The following HEMK2 variants were observed in gnomAD, a reference collection of about 807,000 sequenced individuals.
HEMK2 encodes methyltransferase HEMK2.
At chr21:28,831,470 A>AAGAAT in the HEMK2 span, among the ~76,000 whole-genome samples, 12 of 37,522 alleles carry the variant, frequency 3.2e-4, no homozygotes, top group Admixed American at 6.9e-4. Flanking sequence ...AACGAAAGAA[A>AAGAAT]GAAAGAAAGA....
the HEMK2 span, among the ~76,000 whole-genome samples, chr21:28,837,148 G>C: frequency 6.6e-6 from 1 of 152,156 alleles, no homozygotes; most frequent in Non-Finnish European, 1.5e-5. Flanking sequence ...AAGACAGAAA[G>C]TCAACAAAGA....
chr21:28,660,834 A>G, the HEMK2 span, among the ~76,000 whole-genome samples: 1 of 152,062 alleles, frequency 6.6e-6, no homozygotes, highest in Admixed American at 6.6e-5. Flanking sequence ...CTTTTTAAAA[A>G]ATGGGACAGA....
chr21:28,711,774 C>T, the HEMK2 span, among the ~76,000 whole-genome samples: 5 of 152,082 alleles, frequency 3.3e-5, no homozygotes, highest in African/African-American at 1.2e-4. Context: ...GATATCCTAG[C>T]GAGGGTAGCT....
chr21:28,685,175 A>G, the HEMK2 span, among the ~76,000 whole-genome samples: 9 of 152,316 alleles, frequency 5.9e-5, no homozygotes, highest in African/African-American at 2.2e-4. Context: ...AGTGATCATA[A>G]AAGTCAGCTC....
chr21:28,844,607 A>G, the HEMK2 span, among the ~76,000 whole-genome samples: 15 of 152,064 alleles, frequency 9.9e-5, no homozygotes, highest in Admixed American at 9.8e-4. Context: ...AAGCACACAT[A>G]TATTTTTAAA....
chr21:28,850,301 T>C, the HEMK2 span, among the ~76,000 whole-genome samples: 3 of 141,586 alleles, frequency 2.1e-5, no homozygotes. Context: ...CTCGGCTCAC[T>C]GCAAGCTCCA....
chr21:28,758,981 C>A, the HEMK2 span, among the ~76,000 whole-genome samples: 21 of 152,254 alleles, frequency 1.4e-4, no homozygotes, highest in South Asian at 4.1e-3. Flanking sequence ...TCTGGCATAG[C>A]TGGTTTTCAA....
the HEMK2 span, among the ~76,000 whole-genome samples, chr21:28,653,657 A>G: frequency 6.6e-6 from 1 of 152,160 alleles, no homozygotes; most frequent in Non-Finnish European, 1.5e-5. Context: ...GTTTGTTTAC[A>G]GTCTCAGCTG....
the HEMK2 span, among the ~76,000 whole-genome samples, chr21:28,836,058 A>T: frequency 6.6e-6 from 1 of 152,222 alleles, no homozygotes. Flanking sequence ...CTTGGGAAAC[A>T]TATTTTGGGG....
chr21:28,831,455 A>AAAGAAAGAAAGAAAAGAAAGAAAAGAAAG, the HEMK2 span, among the ~76,000 whole-genome samples: 2 of 56,968 alleles, frequency 3.5e-5, no homozygotes, highest in East Asian at 7.4e-4. Context: ...AAAAAGAAAG[A>AAAGAAAGAAAGAAAAGAAAGAAAAGAAAG]AAAGAACGAA....
the HEMK2 span, among the ~76,000 whole-genome samples, chr21:28,864,868 TGG>T: frequency 1.9e-3 from 206 of 111,120 alleles, no homozygotes; most frequent in African/African-American, 6.4e-3. Flanking sequence ...GATAGATAGA[TGG>T]ATGATAGGTA....
chr21:28,621,607 A>G, the HEMK2 span, among the ~76,000 whole-genome samples: 3 of 152,008 alleles, frequency 2.0e-5, no homozygotes, highest in Non-Finnish European at 4.4e-5. Flanking sequence ...TGGTTCTTAT[A>G]GGTGTTGGGA....
chr21:28,851,481 G>T, the HEMK2 span, among the ~76,000 whole-genome samples: 1 of 152,290 alleles, frequency 6.6e-6, no homozygotes, highest in African/African-American at 2.4e-5. Flanking sequence ...AGGCCCACTA[G>T]GAGTTGTGCC....
the HEMK2 span, among the ~76,000 whole-genome samples, chr21:28,577,857 C>T: frequency 1.3e-5 from 2 of 152,130 alleles, no homozygotes; most frequent in South Asian, 4.1e-4. Flanking sequence ...CAAGTCAGTC[C>T]ATTTATTTCT....
chr21:28,656,984 G>A, the HEMK2 span, among the ~76,000 whole-genome samples: 317 of 152,166 alleles, frequency 2.1e-3, no homozygotes, highest in African/African-American at 7.1e-3. Context: ...CATAGTAAGT[G>A]CTCAACAAGT....
chr21:28,682,906 G>A, the HEMK2 span, among the ~76,000 whole-genome samples: 1 of 152,084 alleles, frequency 6.6e-6, no homozygotes, highest in African/African-American at 2.4e-5. Flanking sequence ...CTGTGTAGGG[G>A]GAGCGGGGAG....
the HEMK2 span, among the ~76,000 whole-genome samples, chr21:28,871,375 G>A: frequency 1.3e-5 from 2 of 152,134 alleles, no homozygotes; most frequent in Non-Finnish European, 2.9e-5. Context: ...CGAAGAGGGA[G>A]TGCTACACAC....
chr21:28,858,104 G>C, the HEMK2 span, among the ~76,000 whole-genome samples: 154 of 152,210 alleles, frequency 1.0e-3, no homozygotes, highest in African/African-American at 3.5e-3. Context: ...CTTTTTATTT[G>C]AATATGTCTC....
chr21:28,629,510 T>C, the HEMK2 span, among the ~76,000 whole-genome samples: 10 of 152,228 alleles, frequency 6.6e-5, no homozygotes, highest in African/African-American at 2.2e-4. Flanking sequence ...AATGCTCATG[T>C]AGACATTGGG....
Sources: allele counts gnomAD v4.1 joint callset (sites outside exome capture counted in the v4.1 genomes callset), GRCh38; gene constraint gnomAD v4.1.1; transcripts MANE v1.5; gene names NCBI Gene and HGNC (gene_info 2026-07-23, HGNC 2026-07-21).